The following BTRC variants were observed in gnomAD, a reference collection of about 807,000 sequenced individuals.
BTRC encodes beta-transducin repeat containing E3 ubiquitin protein ligase.
In BTRC, 42 loss-of-function variants were observed where a neutral mutation model predicts 85.5. The observed-to-expected ratio is 0.49, with a 90% CI of 0.38 to 0.64. The LOEUF (loss-of-function observed/expected upper bound fraction) is 0.64. BTRC is among the 30% of genes least tolerant of loss of function. BTRC has a pLI of 0.00. For missense variants in BTRC, 594 were observed against 743.5 expected (o/e 0.80, Z 2.34); for synonymous variants, 255 against 263.3 (o/e 0.97, Z 0.30).
chr10:101,535,753 ATT>A (rs1297252922), intron 11 of BTRC, among the ~76,000 whole-genome samples: 2 of 152,174 alleles, frequency 1.3e-5, no homozygotes, highest in Non-Finnish European at 2.9e-5. Flanking sequence ...GAAAAGAAAG[ATT>A]TGTTTCCTTA....
intron 5 of BTRC, among the ~76,000 whole-genome samples, chr10:101,524,933 A>T (rs1490690297): frequency 6.6e-6 from 1 of 152,158 alleles, no homozygotes; most frequent in Non-Finnish European, 1.5e-5. Context: ...AATTAAAATG[A>T]TATGATTCAG....
chr10:101,387,580 G>T (rs1226341249), intron 1 of BTRC, among the ~76,000 whole-genome samples: 2 of 117,256 alleles, frequency 1.7e-5, no homozygotes, highest in African/African-American at 3.6e-5. Flanking sequence ...AGGCTGGAGT[G>T]CAATGGTGCG....
intron 1 of BTRC, among the ~76,000 whole-genome samples, chr10:101,396,666 G>A (rs1943371661): frequency 6.6e-6 from 1 of 152,054 alleles, no homozygotes; most frequent in African/African-American, 2.4e-5. Context: ...GCTGTCTCTT[G>A]TTTGTGAAAG....
intron 1 of BTRC, among the ~76,000 whole-genome samples, chr10:101,381,454 G>A (rs1942926643): frequency 6.6e-6 from 1 of 152,132 alleles, no homozygotes; most frequent in Non-Finnish European, 1.5e-5. Flanking sequence ...TCTATCTACT[G>A]GGTTGAAGAT....
At chr10:101,388,219 T>C (rs11190981) in intron 1 of BTRC, among the ~76,000 whole-genome samples, 50,120 of 151,908 alleles carry the variant, frequency 0.33, 10,878 homozygotes, top group East Asian at 0.67. Flanking sequence ...TAGAGGGTAG[T>C]GGTACAATCA....
intron 1 of BTRC, among the ~76,000 whole-genome samples, chr10:101,375,924 G>A (rs1442599103): frequency 6.6e-6 from 1 of 152,194 alleles, no homozygotes; most frequent in Non-Finnish European, 1.5e-5. Context: ...GCTGGCCAGT[G>A]TATCAACACA....
chr10:101,414,733 G>GTTTTACAGTTAATTTTTTT, intron 1 of BTRC: 1 of 446,472 alleles, frequency 2.2e-6, no homozygotes, highest in South Asian at 1.8e-5. Flanking sequence ...CTAGGCTAAT[G>GTTTTACAGTTAATTTTTTT]TAATGTGTGT....
At position 101,532,293 on chromosome 10, in the gene BTRC, A is replaced by G. The variant is rs2062296374; in HGVS notation, c.841-2A>G. The G allele has an allele frequency of 6.2e-7, 1 of 1,607,616 alleles. No individual in the cohort carries two copies. Among genetic ancestry groups the G allele is most frequent in the Non-Finnish European group, 8.5e-7 (1 of 1,178,014 alleles). The stretch of plus-strand genomic sequence containing the variant: ...TGCCTCTTTCCCATTCCTTCTTCTC[A>G]GACAATAGAATCTAATTGGAGATGT... On this transcript the variant is annotated splice_acceptor_variant, in intron 7 of 14. Transcript: ENST00000370187. LOFTEE classifies it high-confidence loss of function.
intron 1 of BTRC, among the ~76,000 whole-genome samples, chr10:101,357,450 A>AG (rs1227025782): frequency 6.6e-6 from 1 of 151,612 alleles, no homozygotes; most frequent in Non-Finnish European, 1.5e-5. Context: ...CAAAAAAAAA[A>AG]AAAAAAAAAA....
At position 101,533,056 on chromosome 10, in the gene BTRC, G is replaced by A. The variant is rs374391640; in HGVS notation, c.1083G>A (p.Ser361=). 5.7e-5 allele frequency: 91 copies of A among 1,608,422 alleles called. No homozygotes were observed. Among genetic ancestry groups the A allele is most frequent in the African/African-American group, 1.2e-4 (9 of 74,684 alleles). Residue 361 remains serine (S), a synonymous_variant, in exon 9 of 15, where the codon TCG becomes TCA. Transcript: ENST00000370187. ...YDERVIITGS[S]DSTVRVWDVN... is the part of the protein sequence containing the mutation. ...AGAGAGTGATCATAACAGGATCATCGGATTCCACGGTCAGGTAGAAAATTT... is the reference window on the plus strand; with the variant it reads ...AGAGAGTGATCATAACAGGATCATCAGATTCCACGGTCAGGTAGAAAATTT...
intron 2 of BTRC, among the ~76,000 whole-genome samples, chr10:101,455,478 G>T (rs1322015069): frequency 6.6e-6 from 1 of 152,144 alleles, no homozygotes; most frequent in East Asian, 1.9e-4. Flanking sequence ...AAAGAATTAA[G>T]TGCCAATTGG....
chr10:101,410,175 A>T (rs1943737720), intron 1 of BTRC, among the ~76,000 whole-genome samples: 1 of 152,054 alleles, frequency 6.6e-6, no homozygotes, highest in Admixed American at 6.6e-5. Context: ...GTACATCTGG[A>T]TTTCCTGGTA....
intron 1 of BTRC, among the ~76,000 whole-genome samples, chr10:101,383,221 G>A (rs1434460471): frequency 6.6e-6 from 1 of 151,440 alleles, no homozygotes; most frequent in Non-Finnish European, 1.5e-5. Flanking sequence ...GCACCACCAC[G>A]CCCAGCTAAT....
At chr10:101,429,477 TGTC>T (rs1240359147) in intron 1 of BTRC, among the ~76,000 whole-genome samples, 7 of 151,164 alleles carry the variant, frequency 4.6e-5, no homozygotes, top group South Asian at 2.1e-4. Flanking sequence ...GCTTTCTAGG[TGTC>T]GTCTTCTTCC....
At chr10:101,460,330 C>T (rs145807351) in intron 2 of BTRC, among the ~76,000 whole-genome samples, 110 of 152,048 alleles carry the variant, frequency 7.2e-4, no homozygotes, top group African/African-American at 2.4e-3. Flanking sequence ...TATTGCCAGT[C>T]GCCTCATTTG....
intron 2 of BTRC, among the ~76,000 whole-genome samples, chr10:101,459,657 A>G (rs534868014): frequency 7.2e-5 from 11 of 152,346 alleles, no homozygotes; most frequent in Non-Finnish European, 1.5e-4. Flanking sequence ...CTAGTGGGAT[A>G]GAAAGGGGAA....
chr10:101,438,051 A>C (rs1343229243), intron 2 of BTRC, among the ~76,000 whole-genome samples: 3 of 152,086 alleles, frequency 2.0e-5, no homozygotes, highest in African/African-American at 7.2e-5. Flanking sequence ...AGGAGTATTC[A>C]TTTTCGTACT....
Position 101,460,126 on chromosome 10 carries a change from A to G in BTRC, c.157-1855A>G, listed in dbSNP as rs565039260. On this transcript the variant is annotated intron_variant, in intron 2 of 14. Coordinates refer to ENST00000370187, the MANE Select transcript of BTRC (RefSeq NM_033637.4). ...TAAAGGAGGAATTTCATGACCTGAAAGAGAGTTACTTGCAAATTCTAAGTT... is the reference window on the plus strand; with the variant it reads ...TAAAGGAGGAATTTCATGACCTGAAGGAGAGTTACTTGCAAATTCTAAGTT... Among the ~76,000 whole-genome samples, 19 of 152,296 alleles carry G rather than the reference A, an allele frequency of 1.2e-4. No homozygotes were observed. In the East Asian group the frequency reaches 3.7e-3, roughly 29 times the overall value.
chr10:101,385,255 T>C (rs1943036650), intron 1 of BTRC, among the ~76,000 whole-genome samples: 1 of 150,842 alleles, frequency 6.6e-6, no homozygotes, highest in Non-Finnish European at 1.5e-5. Context: ...TAGTCCCAGC[T>C]ACTCAGGAGG....
Sources: gnomAD v4.1 joint callset for allele counts (sites outside exome capture counted in the v4.1 genomes callset) on GRCh38, gnomAD v4.1.1 for gene constraint, MANE v1.5 for transcripts, NCBI Gene and HGNC (gene_info 2026-07-23, HGNC 2026-07-21) for gene names.